The following PRDM6 variants were observed in gnomAD, a reference collection of about 807,000 sequenced individuals.
PRDM6 encodes the protein putative histone-lysine N-methyltransferase PRDM6.
In PRDM6, 25 loss-of-function variants were observed where a neutral mutation model predicts 60.8. The observed-to-expected ratio is 0.41, with a 90% CI of 0.30 to 0.57. The LOEUF is 0.57. PRDM6 is among the 20% of genes least tolerant of loss of function. PRDM6 has a pLI of 0.27. For synonymous variants in PRDM6, 407 were observed against 357.4 expected, an observed-to-expected ratio of 1.14 and a Z score of -1.57; for missense variants, 839 against 821.3, an observed-to-expected ratio of 1.02 and a Z score of -0.26.
At chr5:123,122,164 CAAAAAA>C (rs138619125) in intron 3 of PRDM6, among the ~76,000 whole-genome samples, 1 of 98,924 alleles carries the variant, frequency 1.0e-5, no homozygotes, top group Non-Finnish European at 1.8e-5. Context: ...CTCCATCTGA[CAAAAAA>C]AAAAAAAAAA....
chr5:123,184,071 T>A (rs911208946), intron 7 of PRDM6, among the ~76,000 whole-genome samples: 1 of 152,096 alleles, frequency 6.6e-6, no homozygotes, highest in Non-Finnish European at 1.5e-5. Context: ...TTGAACAAGA[T>A]CTAGGCAAAA....
intron 3 of PRDM6, among the ~76,000 whole-genome samples, chr5:123,115,604 A>G (rs1764422025): frequency 6.6e-6 from 1 of 152,232 alleles, no homozygotes; most frequent in South Asian, 2.1e-4. Flanking sequence ...AAAAACAAGA[A>G]AAACAAATTT....
Position 123,159,703 on chromosome 5 carries a change from GA to G in PRDM6, c.1153+66del. The G allele has an allele frequency of 2.0e-6, 3 of 1,497,442 alleles. No individual in the cohort carries two copies. In the Admixed American group the frequency reaches 6.2e-5, roughly 31 times the overall value. 92.8% of individuals were successfully genotyped at this position (1,497,442 alleles called of 1,614,324 possible). On this transcript the variant is annotated intron_variant, in intron 5 of 7. Coordinates refer to ENST00000407847, the MANE Select transcript of PRDM6 (RefSeq NM_001136239.4). Reference sequence around the variant, plus strand: ...ACCTATTTCAAAGCTAACTTTTTAAGAGCTTTTTTTGAAACTCATGAAACGT... The same window carrying G: ...ACCTATTTCAAAGCTAACTTTTTAAGGCTTTTTTTGAAACTCATGAAACGT...
At chr5:123,127,283 C>T (rs1273321275) in intron 3 of PRDM6, among the ~76,000 whole-genome samples, 2 of 152,156 alleles carry the variant, frequency 1.3e-5, no homozygotes, top group African/African-American at 4.8e-5. Context: ...GGTGATCCAC[C>T]CACCATGGCC....
At chr5:123,162,022 C>T (rs1423482371) in intron 5 of PRDM6, among the ~76,000 whole-genome samples, 1 of 152,074 alleles carries the variant, frequency 6.6e-6, no homozygotes, top group Non-Finnish European at 1.5e-5. Flanking sequence ...AATCCAACAG[C>T]ATTTTCTGAC....
chr5:123,092,051 TTTAC>T (rs978949079), intron 2 of PRDM6, among the ~76,000 whole-genome samples: 3 of 152,226 alleles, frequency 2.0e-5, no homozygotes, highest in Non-Finnish European at 4.4e-5. Context: ...AGCAATCGTA[TTTAC>T]TTTTTTCTTT....
intron 3 of PRDM6, among the ~76,000 whole-genome samples, chr5:123,144,181 A>T (rs1580515066): frequency 6.6e-6 from 1 of 151,948 alleles, no homozygotes; most frequent in Non-Finnish European, 1.5e-5. Context: ...TTTGAGTCTC[A>T]CCCTCCTCAG....
rs1549200 is a variant in PRDM6 at position 123,193,369 on chromosome 5, A to C, written c.*6168A>C. The C allele has an allele frequency of 2.0e-4, 31 of 152,288 alleles. No homozygotes were observed. The highest frequency in any genetic ancestry group is 3.7e-4 in the Non-Finnish European group (25 of 68,030). The allele number at this position is 152,288 out of a possible 1,614,324, so 9.4% of individuals were successfully genotyped here. On this transcript the variant is annotated 3_prime_UTR_variant, in exon 8 of 8. Coordinates refer to ENST00000407847, the MANE Select transcript of PRDM6 (RefSeq NM_001136239.4). Reference sequence around the variant, plus strand: ...AATTATGCCGTATCAGGTGATTGCCACATGTTGGGGAAAGCAGCCATCTTA... The same window carrying C: ...AATTATGCCGTATCAGGTGATTGCCCCATGTTGGGGAAAGCAGCCATCTTA...
At chr5:123,098,517 C>T (rs942059731) in intron 2 of PRDM6, among the ~76,000 whole-genome samples, 3 of 152,234 alleles carry the variant, frequency 2.0e-5, no homozygotes, top group Non-Finnish European at 4.4e-5. Context: ...GGCTCTATTT[C>T]CCGTGGCCGC....
At chr5:123,180,372 A>G in intron 7 of PRDM6, 49 bp downstream of exon 7, 1 of 1,502,246 alleles carries the variant, frequency 6.7e-7, no homozygotes, top group Non-Finnish European at 8.9e-7. Flanking sequence ...GCCTTTCCCA[A>G]GAGCCAGCTG....
rs1766307599 is a variant in PRDM6, at chr5:123,187,197, A to G, written c.1784A>G (p.Asp595Gly). Residue 595 changes from aspartate (D) to glycine (G), a missense_variant, in exon 8 of 8, where the codon GAT becomes GGT. Coordinates refer to ENST00000407847, the MANE Select transcript of PRDM6 (RefSeq NM_001136239.4). ...ITESPESIEV[D>G] is the part of the protein sequence containing the mutation. ...GAGAGCCCAGAATCAATCGAAGTGG[A>G]TTAACGGATTGACTGGTTGGAATTA... 6.5e-7 allele frequency: 1 copy of G among 1,546,712 alleles called. No individual in the cohort carries two copies. Among genetic ancestry groups the G allele is most frequent in the Non-Finnish European group, 8.8e-7 (1 of 1,142,584 alleles).
rs1766476745 is a variant in PRDM6, at chr5:123,193,857, T to G, written c.*6656T>G. On this transcript the variant is annotated 3_prime_UTR_variant, in exon 8 of 8. Transcript: ENST00000407847. ...TTCCCTACTGGAATAGAAATATGTCTCTCTCCAACTTTCCACCAAATAAAA... is the reference window on the plus strand; with the variant it reads ...TTCCCTACTGGAATAGAAATATGTCGCTCTCCAACTTTCCACCAAATAAAA... The G allele has an allele frequency of 6.6e-6, 1 of 152,190 alleles. No individual in the cohort carries two copies. The highest frequency in any genetic ancestry group is 1.5e-5 in the Non-Finnish European group (1 of 68,034). 9.4% of individuals were successfully genotyped at this position (152,190 alleles called of 1,614,324 possible). A position where few individuals can be genotyped will look rare whatever the true frequency, so the allele number is the denominator to read the frequency against.
intron 2 of PRDM6, among the ~76,000 whole-genome samples, chr5:123,093,588 G>A (rs1298050409): frequency 6.6e-6 from 1 of 152,112 alleles, no homozygotes; most frequent in East Asian, 1.9e-4. Flanking sequence ...TGCTGCTGCC[G>A]CCTTCTCTTA....
chr5:123,090,654 CGCCGGCGGGCGCGGGT>C (rs1452626531), intron 2 of PRDM6, 48 bp downstream of exon 2: 18 of 1,199,664 alleles, frequency 1.5e-5, no homozygotes, highest in South Asian at 1.4e-5. Flanking sequence ...CCGGCGCCGG[CGCCGGCGGGCGCGGGT>C]GCCTGTCAGG....
chr5:123,157,151 C>T (rs1313547707), intron 4 of PRDM6, among the ~76,000 whole-genome samples: 1 of 149,754 alleles, frequency 6.7e-6, no homozygotes, highest in Admixed American at 6.7e-5. Context: ...TTGGCTTGCT[C>T]TCTGAGGTCT....
chr5:123,178,050 T>C (rs1032127593), intron 6 of PRDM6, among the ~76,000 whole-genome samples: 3 of 152,170 alleles, frequency 2.0e-5, no homozygotes, highest in African/African-American at 4.8e-5. Context: ...TTGGCGTTAC[T>C]TTGATATAAG....
rs1424362168 is a variant in PRDM6, at chr5:123,159,578, A to G, written c.1093A>G (p.Asn365Asp). The G allele has an allele frequency of 6.4e-6, 10 of 1,551,480 alleles. No individual in the cohort carries two copies. Among genetic ancestry groups the G allele is most frequent in the Non-Finnish European group, 8.7e-6 (10 of 1,146,834 alleles). Residue 365 changes from asparagine (N) to aspartate (D), a missense_variant, in exon 5 of 8, where the codon AAT (asparagine) becomes GAT (aspartate). Physicochemically the swap from Asn to Asp is conservative, Grantham distance 23. Transcript: ENST00000407847. ...PRGTELLVWY[N>D]DSYTSFFGIP... ...GGGCACCGAGCTTCTGGTGTGGTAC[A>G]ATGACAGCTATACGTCTTTCTTTGG...
At chr5:123,175,477 G>A (rs190651507) in intron 6 of PRDM6, among the ~76,000 whole-genome samples, 373 of 152,314 alleles carry the variant, frequency 2.4e-3, no homozygotes, top group Non-Finnish European at 4.0e-3. Flanking sequence ...CAGTATTCTT[G>A]TGTCCCACTT....
intron 3 of PRDM6, among the ~76,000 whole-genome samples, chr5:123,111,103 A>G (rs1052002081): frequency 6.6e-6 from 1 of 152,196 alleles, no homozygotes; most frequent in African/African-American, 2.4e-5. Context: ...GCAAGATGAA[A>G]ACATTCTGGA....
Sources: gnomAD v4.1 joint callset for allele counts (sites outside exome capture counted in the v4.1 genomes callset) on GRCh38, gnomAD v4.1.1 for gene constraint, MANE v1.5 for transcripts, NCBI Gene and HGNC (gene_info 2026-07-23, HGNC 2026-07-21) for gene names.